STPG2: variants seen among roughly 807,000 people sequenced by gnomAD.
STPG2 encodes the protein sperm tail PG-rich repeat containing 2, also known as sperm-tail PG-rich repeat-containing protein 2.
In STPG2, 56 loss-of-function variants were observed where a neutral mutation model predicts 54.2. The ratio of observed to expected loss-of-function variants is 1.03; its 90% CI spans 0.83 to 1.29. The LOEUF (loss-of-function observed/expected upper bound fraction) is 1.29, where lower values mean the gene tolerates loss of function less well. Ranked by LOEUF, STPG2 falls within the 50% of genes most tolerant of loss-of-function variation. The pLI, the probability that STPG2 is intolerant of heterozygous loss-of-function variation, is 0.00. For missense variants in STPG2, 596 were observed against 544.9 expected, an observed-to-expected ratio of 1.09 and a Z score of -0.93; for synonymous variants, 200 against 181.8, an observed-to-expected ratio of 1.10 and a Z score of -0.81.
At chr4:98,057,474 G>C (rs1737517274) in intron 5 of STPG2, among the ~76,000 whole-genome samples, 1 of 126,686 alleles carries the variant, frequency 7.9e-6, no homozygotes, top group Admixed American at 7.4e-5. Flanking sequence ...TTGAAGACTT[G>C]CTTTCTAAAA....
chr4:98,130,959 C>CA (rs1739978145), intron 2 of STPG2, among the ~76,000 whole-genome samples: 1 of 140,524 alleles, frequency 7.1e-6, no homozygotes, highest in South Asian at 2.4e-4. Context: ...AACGACTTTC[C>CA]AAAATATAGC....
At chr4:97,796,546 T>C (rs951783914) in intron 9 of STPG2, among the ~76,000 whole-genome samples, 8 of 152,202 alleles carry the variant, frequency 5.3e-5, no homozygotes, top group Admixed American at 2.0e-4. Flanking sequence ...CTCTGTTCTG[T>C]TCCACTGGTC....
At chr4:98,041,263 C>CAT (rs964272109) in intron 5 of STPG2, among the ~76,000 whole-genome samples, 4 of 151,728 alleles carry the variant, frequency 2.6e-5, no homozygotes, top group African/African-American at 9.7e-5. Context: ...CACACAATTT[C>CAT]ATATCAGCAA....
At chr4:97,489,788 A>T (rs1231530783) in intron 4 of STPG2, 1 of 151,616 alleles carries the variant, frequency 6.6e-6, no homozygotes, top group Non-Finnish European at 1.5e-5. Context: ...CCTTCTGAAG[A>T]GGGTGAAGAT....
At chr4:97,957,067 AT>A (rs1476828404) in intron 7 of STPG2, among the ~76,000 whole-genome samples, 2 of 143,642 alleles carry the variant, frequency 1.4e-5, no homozygotes, top group Non-Finnish European at 3.1e-5. Flanking sequence ...ATTTAAGGAA[AT>A]AAATATATAT....
intron 8 of STPG2, among the ~76,000 whole-genome samples, chr4:97,864,299 C>A (rs903784801): frequency 4.4e-5 from 4 of 90,658 alleles, no homozygotes; most frequent in Non-Finnish European, 8.4e-5. Flanking sequence ...TCTTAGACAC[C>A]AATAACAGAC....
chr4:98,069,168 C>T (rs1426662), intron 5 of STPG2, among the ~76,000 whole-genome samples: 60,261 of 151,756 alleles, frequency 0.4, 12,262 homozygotes, highest in Middle Eastern at 0.47. Flanking sequence ...TGATCATAAG[C>T]TGTAAAACAC....
chr4:97,760,689 ATGTGCATACCTC>A (rs1195528283), intron 9 of STPG2, among the ~76,000 whole-genome samples: 2 of 152,194 alleles, frequency 1.3e-5, no homozygotes, highest in Non-Finnish European at 1.5e-5. Context: ...CTTACTGTCT[ATGTGCATACCTC>A]TGAGCAAGGG....
Position 97,826,587 on chromosome 4 carries a change from A to G in STPG2, c.1204+14186T>C, listed in dbSNP as rs530270312. Reference sequence around the variant, plus strand: ...CCTTACCTTATGGTCAAACTGATTAAGATTGAATATATTTGTCGACAAGGT... The same window carrying G: ...CCTTACCTTATGGTCAAACTGATTAGGATTGAATATATTTGTCGACAAGGT... On this transcript the variant is annotated intron_variant, in intron 9 of 10. Transcript: ENST00000295268. Among the ~76,000 whole-genome samples, 7 of 152,322 alleles carry G rather than the reference A, an allele frequency of 4.6e-5. No homozygotes were observed. The South Asian group carries it at 1.4e-3, about 32-fold the overall frequency.
At chr4:97,850,157 A>G (rs1729104143) in intron 8 of STPG2, among the ~76,000 whole-genome samples, 1 of 149,992 alleles carries the variant, frequency 6.7e-6, no homozygotes, top group African/African-American at 2.5e-5. Context: ...CATTCTCAGT[A>G]AACTATCGCA....
At chr4:97,528,358 T>C (rs1287210597) in intron 4 of STPG2, among the ~76,000 whole-genome samples, 1 of 152,192 alleles carries the variant, frequency 6.6e-6, no homozygotes, top group African/African-American at 2.4e-5. Flanking sequence ...CATTGGTCTA[T>C]ATATCTGTTT....
At chr4:97,457,634 A>AC (rs1455867730) in intron 4 of STPG2, among the ~76,000 whole-genome samples, 1 of 152,220 alleles carries the variant, frequency 6.6e-6, no homozygotes, top group Admixed American at 6.5e-5. Flanking sequence ...AAAACAAACA[A>AC]CAAAAAAAAC....
intron 5 of STPG2, among the ~76,000 whole-genome samples, chr4:98,008,534 T>C (rs1735643627): frequency 4.1e-5 from 1 of 24,324 alleles, no homozygotes; most frequent in African/African-American, 1.2e-4. Flanking sequence ...TAAATAGTTT[T>C]ATAAAAACTC....
At chr4:97,704,326 T>C (rs1723877465) in intron 10 of STPG2, among the ~76,000 whole-genome samples, 2 of 152,176 alleles carry the variant, frequency 1.3e-5, no homozygotes, top group Admixed American at 1.3e-4. Flanking sequence ...GATACAAAGA[T>C]CTTTCTCTAT....
intron 2 of STPG2, among the ~76,000 whole-genome samples, chr4:98,132,839 G>C (rs1056447687): frequency 4.0e-5 from 6 of 151,252 alleles, no homozygotes; most frequent in Non-Finnish European, 8.9e-5. Context: ...GGAGCACTTT[G>C]AGAGAGTGCA....
intron 10 of STPG2, among the ~76,000 whole-genome samples, chr4:97,704,775 G>A (rs1480473958): frequency 6.6e-6 from 1 of 152,120 alleles, no homozygotes; most frequent in Non-Finnish European, 1.5e-5. Flanking sequence ...TGTAAACGGA[G>A]AAGTTTAAGT....
intron 10 of STPG2, among the ~76,000 whole-genome samples, chr4:97,593,835 CAA>C (rs1371823762): frequency 3.0e-4 from 46 of 151,932 alleles, no homozygotes; most frequent in African/African-American, 1.1e-3. Context: ...GGCCAGAGAA[CAA>C]AACCAGGGGC....
At chr4:98,121,301 T>C (rs925520346) in intron 3 of STPG2, among the ~76,000 whole-genome samples, 2 of 152,216 alleles carry the variant, frequency 1.3e-5, no homozygotes, top group African/African-American at 2.4e-5. Context: ...AGCCTTGTAA[T>C]ATAGGTTGAA....
rs190549222 is a variant in STPG2 at position 98,098,882 on chromosome 4, T to C, written c.612+7071A>G. Among the ~76,000 whole-genome samples, 655 of 152,228 alleles carry C rather than the reference T, an allele frequency of 4.3e-3. 3 individuals are homozygous for C. The highest frequency in any genetic ancestry group is 0.025 in the South Asian group (120 of 4,832). ...GCCTATGAAAAGGTGATGAACATAA[T>C]TGATCATCAGAGAAATCCAAATCAA... On this transcript the variant is annotated intron_variant, in intron 5 of 10. Transcript: ENST00000295268.
Sources: allele counts gnomAD v4.1 joint callset (sites outside exome capture counted in the v4.1 genomes callset), GRCh38; gene constraint gnomAD v4.1.1; transcripts MANE v1.5; gene names NCBI Gene and HGNC (gene_info 2026-07-23, HGNC 2026-07-21).